Variants in CNPY1 observed in about 807,000 individuals in gnomAD.
CNPY1 encodes the protein protein canopy homolog 1.
A neutral mutation model predicts 14.4 loss-of-function variants in CNPY1; 14 were observed. The ratio of observed to expected loss-of-function variants is 0.97; its 90% CI spans 0.64 to 1.52. The LOEUF is 1.52. Among genes scored for constraint, CNPY1 ranks in the 40% most tolerant of loss-of-function variants. The probability of loss-of-function intolerance (pLI) is 0.00; values close to 1 mark genes in which losing one functional copy is unlikely to be tolerated. For missense variants in CNPY1, 129 were observed against 131.5 expected, an observed-to-expected ratio of 0.98 and a Z score of 0.09; for synonymous variants, 43 against 46.5, an observed-to-expected ratio of 0.92 and a Z score of 0.31.
At chr7:155,531,048 G>T (rs557728138) in intron 2 of CNPY1, among the ~76,000 whole-genome samples, 7 of 152,192 alleles carry the variant, frequency 4.6e-5, no homozygotes, top group Non-Finnish European at 8.8e-5. Flanking sequence ...TTGGCCTTCC[G>T]CATAGTTTTG....
intron 2 of CNPY1, among the ~76,000 whole-genome samples, chr7:155,533,461 C>T (rs920984863): frequency 1.3e-5 from 2 of 152,222 alleles, no homozygotes; most frequent in Admixed American, 6.5e-5. Context: ...CACCTCGCCG[C>T]GGGTGCAGGG....
At chr7:155,509,821 G>T (rs942645280) in intron 2 of CNPY1, among the ~76,000 whole-genome samples, 15 of 152,292 alleles carry the variant, frequency 9.8e-5, no homozygotes, top group African/African-American at 3.4e-4. Context: ...ATTCGGCGAG[G>T]ATTCAGCTGG....
At position 155,502,969 on chromosome 7, in the gene CNPY1, A is replaced by C; in HGVS notation, c.*99T>G. On this transcript the variant is annotated 3_prime_UTR_variant, in exon 5 of 5. Transcript: ENST00000636446. ...CAAACACGGTATAAACAAGAGACAA[A>C]ATTTTTCTTATCATGAAAGACAACA... The C allele has an allele frequency of 8.9e-7, 1 of 1,122,976 alleles. No individual in the cohort carries two copies. Among genetic ancestry groups the C allele is most frequent in the Non-Finnish European group, 1.3e-6 (1 of 771,362 alleles). 69.6% of individuals were successfully genotyped at this position (1,122,976 alleles called of 1,614,324 possible). A position where few individuals can be genotyped will look rare whatever the true frequency, so the allele number is the denominator to read the frequency against.
intron 3 of CNPY1, among the ~76,000 whole-genome samples, chr7:155,507,564 T>C (rs1796369926): frequency 6.6e-6 from 1 of 150,860 alleles, no homozygotes; most frequent in South Asian, 2.1e-4. Context: ...TAATCCATTT[T>C]GTGGCTTGAA....
intron 2 of CNPY1, among the ~76,000 whole-genome samples, chr7:155,515,510 C>T (rs946637273): frequency 3.9e-5 from 6 of 152,168 alleles, no homozygotes; most frequent in Admixed American, 2.6e-4. Context: ...GACCCGGGGA[C>T]CGCAGGGTGT....
At chr7:155,520,756 T>G (rs895901944) in intron 2 of CNPY1, among the ~76,000 whole-genome samples, 5 of 152,172 alleles carry the variant, frequency 3.3e-5, no homozygotes, top group African/African-American at 1.2e-4. Flanking sequence ...TGCTGTGCAT[T>G]GGACTAAGGG....
At chr7:155,508,444 G>A (rs1417735240) in intron 3 of CNPY1, among the ~76,000 whole-genome samples, 1 of 152,214 alleles carries the variant, frequency 6.6e-6, no homozygotes, top group East Asian at 1.9e-4. Flanking sequence ...ATATTTGAAA[G>A]CGGCATTCGT....
chr7:155,543,508 C>A (rs960780913), intron 2 of CNPY1, among the ~76,000 whole-genome samples: 1 of 152,184 alleles, frequency 6.6e-6, no homozygotes, highest in Non-Finnish European at 1.5e-5. Context: ...TGAATCACAG[C>A]AAGGAAGAGT....
intron 2 of CNPY1, among the ~76,000 whole-genome samples, chr7:155,541,137 A>G (rs4716685): frequency 0.75 from 113,960 of 152,166 alleles, 43,576 homozygotes; most frequent in African/African-American, 0.92. Context: ...CAACAGCCCC[A>G]GGCCAAGGAG....
At chr7:155,510,018 G>T (rs1224393222) in intron 2 of CNPY1, among the ~76,000 whole-genome samples, 1 of 152,196 alleles carries the variant, frequency 6.6e-6, no homozygotes, top group Non-Finnish European at 1.5e-5. Flanking sequence ...CCGGGCCTTT[G>T]CGGGCTTTTT....
intron 4 of CNPY1, among the ~76,000 whole-genome samples, chr7:155,506,082 G>T (rs1008893605): frequency 6.6e-6 from 1 of 152,208 alleles, no homozygotes; most frequent in South Asian, 2.1e-4. Context: ...ATCTACAAAT[G>T]TTCAGTAGCT....
intron 2 of CNPY1, among the ~76,000 whole-genome samples, chr7:155,516,509 A>T (rs1796624844): frequency 6.6e-6 from 1 of 151,830 alleles, no homozygotes; most frequent in South Asian, 2.1e-4. Flanking sequence ...CTCAATAGGA[A>T]CTCTCAGATG....
chr7:155,542,201 G>GGGCAGGGGAGTCAGGCA (rs1340528939), intron 2 of CNPY1, among the ~76,000 whole-genome samples: 2 of 152,126 alleles, frequency 1.3e-5, no homozygotes, highest in Admixed American at 6.5e-5. Flanking sequence ...AGGCGGAGCT[G>GGGCAGGGGAGTCAGGCA]GGCAGGGGAG....
At chr7:155,510,087 G>T (rs1796488778) in intron 2 of CNPY1, among the ~76,000 whole-genome samples, 1 of 152,200 alleles carries the variant, frequency 6.6e-6, no homozygotes, top group African/African-American at 2.4e-5. Context: ...CAGTGAAAGG[G>T]GCTGAATCAC....
At chr7:155,533,668 A>C (rs538242635) in intron 2 of CNPY1, 5 of 152,316 alleles carry the variant, frequency 3.3e-5, no homozygotes, top group African/African-American at 9.6e-5. Context: ...GGGCGTTATG[A>C]AAATCTGAGC....
intron 2 of CNPY1, among the ~76,000 whole-genome samples, chr7:155,517,459 C>T (rs1306124473): frequency 1.3e-5 from 2 of 152,162 alleles, no homozygotes; most frequent in South Asian, 2.1e-4. Context: ...ACAGTCACAG[C>T]GTGACGTCCT....
chr7:155,527,437 T>TAA (rs1429919322), intron 2 of CNPY1, among the ~76,000 whole-genome samples: 1 of 117,320 alleles, frequency 8.5e-6, no homozygotes, highest in African/African-American at 3.9e-5. Context: ...TTAATTTCTT[T>TAA]TTTTTTTTTT....
At chr7:155,521,745 C>CTGCGCCCACATT in intron 2 of CNPY1, among the ~76,000 whole-genome samples, 1 of 152,382 alleles carries the variant, frequency 6.6e-6, no homozygotes, top group African/African-American at 2.4e-5. Context: ...TGGGACACAG[C>CTGCGCCCACATT]TGCGCCCACA....
chr7:155,537,211 A>T (rs1226583289), intron 2 of CNPY1, among the ~76,000 whole-genome samples: 1 of 152,120 alleles, frequency 6.6e-6, no homozygotes, highest in African/African-American at 2.4e-5. Flanking sequence ...GAAAGAAGAG[A>T]GAGTAGCAGC....
Sources: allele counts gnomAD v4.1 joint callset (sites outside exome capture counted in the v4.1 genomes callset), GRCh38; gene constraint gnomAD v4.1.1; transcripts MANE v1.5; gene names NCBI Gene and HGNC (gene_info 2026-07-23, HGNC 2026-07-21).